Variants in TBC1D16 observed in about 807,000 individuals in gnomAD.
TBC1D16 encodes the protein CTD-2529O21.1.
Under a neutral mutation model 74.7 loss-of-function variants are expected in TBC1D16, and 58 were observed. That is an observed-to-expected ratio of 0.78 (90% CI 0.63 to 0.97). The LOEUF is 0.97. Ranked by LOEUF, TBC1D16 falls within the 50% of genes least tolerant of loss-of-function variation. The pLI, the probability that TBC1D16 is intolerant of heterozygous loss-of-function variation, is 0.00. For missense variants in TBC1D16, 1,014 were observed against 1,079.5 expected, an observed-to-expected ratio of 0.94 and a Z score of 0.85; for synonymous variants, 493 against 474.7, an observed-to-expected ratio of 1.04 and a Z score of -0.50.
At position 79,940,820 on chromosome 17, in the gene TBC1D16, G is replaced by T; in HGVS notation, c.*39C>A. 3 of 1,489,994 alleles carry T rather than the reference G, an allele frequency of 2.0e-6. No homozygotes were observed. The highest frequency in any genetic ancestry group is 1.4e-5 in the African/African-American group (1 of 71,804). 92.3% of individuals were successfully genotyped at this position (1,489,994 alleles called of 1,614,324 possible). A position where few individuals can be genotyped will look rare whatever the true frequency, so the allele number is the denominator to read the frequency against. On this transcript the variant is annotated 3_prime_UTR_variant, in exon 12 of 12. Transcript: ENST00000310924. This position sits in a 1 kb window ranked among gnomAD's most constrained non-coding sequence, Gnocchi z 5.4. Reference sequence around the variant, plus strand: ...CCCTCCCGTGCCCAGGGCCTCTGAGGAGGTCCCCTCAACCCCTGTCCGGTG... The same window carrying T: ...CCCTCCCGTGCCCAGGGCCTCTGAGTAGGTCCCCTCAACCCCTGTCCGGTG...
intron 3 of TBC1D16, 56 bp from the exon 4 acceptor site, chr17:79,952,874 GA>G (rs1350359386): frequency 1.3e-5 from 21 of 1,555,702 alleles, no homozygotes; most frequent in Non-Finnish European, 1.7e-5. Flanking sequence ...ACACTACCCA[GA>G]GGGGGACGGG....
chr17:79,999,628 C>T (rs1167754554), intron 3 of TBC1D16, among the ~76,000 whole-genome samples: 4 of 126,472 alleles, frequency 3.2e-5, no homozygotes, highest in Admixed American at 8.9e-5. Context: ...CTGCAACCTC[C>T]GCTTCCTGGG....
intron 3 of TBC1D16, among the ~76,000 whole-genome samples, chr17:79,972,176 CT>C (rs1555874338): frequency 1.3e-5 from 2 of 151,494 alleles, no homozygotes; most frequent in East Asian, 1.9e-4. Context: ...GAAGGAAATT[CT>C]TTTTTTTTCT....
chr17:80,011,682 C>T (rs1230944886), intron 2 of TBC1D16, among the ~76,000 whole-genome samples: 1 of 151,992 alleles, frequency 6.6e-6, no homozygotes, highest in Non-Finnish European at 1.5e-5. Flanking sequence ...AAAAATTAGC[C>T]GGGCGTGATG....
At position 80,013,626 on chromosome 17, in the gene TBC1D16, G is replaced by A. The variant is rs2035981611; in HGVS notation, c.-62-17C>T. 7.2e-7 allele frequency: 1 copy of A among 1,396,176 alleles called. No homozygotes were observed. The highest frequency in any genetic ancestry group is 2.5e-5 in the East Asian group (1 of 39,234). 86.5% of individuals were successfully genotyped at this position (1,396,176 alleles called of 1,614,324 possible). A position where few individuals can be genotyped will look rare whatever the true frequency, so the allele number is the denominator to read the frequency against. On this transcript the variant is annotated splice_polypyrimidine_tract_variant and intron_variant, in intron 1 of 11. Coordinates refer to ENST00000310924, the MANE Select transcript of TBC1D16 (RefSeq NM_019020.4). Reference sequence around the variant, plus strand: ...AAGACCTGCCTGGGGGAGGAAGAGAGAGGAGATGGTCAAGGTTGTGGACTT... The same window carrying A: ...AAGACCTGCCTGGGGGAGGAAGAGAAAGGAGATGGTCAAGGTTGTGGACTT...
rs1258824777 is a variant in TBC1D16 at position 79,991,351 on chromosome 17, A to T, written c.779+18809T>A. Reference sequence around the variant, plus strand: ...TCTGGGTTCCGTGTAGTCTCAGGGGAGGCTGAGGCTGACGCGAGGTGGGGT... The same window carrying T: ...TCTGGGTTCCGTGTAGTCTCAGGGGTGGCTGAGGCTGACGCGAGGTGGGGT... On this transcript the variant is annotated intron_variant, in intron 3 of 11. Coordinates refer to ENST00000310924, the MANE Select transcript of TBC1D16 (RefSeq NM_019020.4). Among the ~76,000 whole-genome samples, 10 of 151,024 alleles carry T rather than the reference A, an allele frequency of 6.6e-5. No homozygotes were observed. The East Asian group carries it at 2.0e-3, about 30-fold the overall frequency.
At chr17:80,031,450 T>A (rs1474111855) in intron 1 of TBC1D16, among the ~76,000 whole-genome samples, 1 of 152,126 alleles carries the variant, frequency 6.6e-6, no homozygotes, top group Non-Finnish European at 1.5e-5. Context: ...TGCTGGGATC[T>A]TGGACCATAG....
chr17:80,016,894 C>T (rs1482039413), intron 1 of TBC1D16, among the ~76,000 whole-genome samples: 1 of 152,166 alleles, frequency 6.6e-6, no homozygotes, highest in Non-Finnish European at 1.5e-5. Flanking sequence ...CATGTCTTTC[C>T]TCTGACAGAT....
At chr17:80,019,430 AC>A (rs1369120883) in intron 1 of TBC1D16, among the ~76,000 whole-genome samples, 2 of 116,554 alleles carry the variant, frequency 1.7e-5, no homozygotes, top group Non-Finnish European at 1.7e-5. Context: ...CACCTGGGAC[AC>A]CAGGACAACC....
rs1011335204 is a variant in TBC1D16, at chr17:79,941,601, C to T, written c.2055+459G>A. 2.0e-5 allele frequency among the ~76,000 whole-genome samples: 3 copies of T among 152,188 alleles called. No individual in the cohort carries two copies. Among genetic ancestry groups the T allele is most frequent in the East Asian group, 1.9e-4 (1 of 5,188 alleles). On this transcript the variant is annotated intron_variant, in intron 11 of 11. Transcript: ENST00000310924. This position sits in a 1 kb window ranked among gnomAD's most constrained non-coding sequence, Gnocchi z 4.3. ...GCCCTGAGGACCACCAGAGAGCTAACGGGCAGCATCTCCAGGAGGCGTCTG... is the reference window on the plus strand; with the variant it reads ...GCCCTGAGGACCACCAGAGAGCTAATGGGCAGCATCTCCAGGAGGCGTCTG...
At chr17:80,034,094 GT>G (rs2036861599) in intron 1 of TBC1D16, among the ~76,000 whole-genome samples, 2 of 152,028 alleles carry the variant, frequency 1.3e-5, no homozygotes, top group Non-Finnish European at 2.9e-5. Flanking sequence ...TCATGAGCTT[GT>G]TTTGTGGGTT....
At chr17:79,953,753 T>C (rs557683869) in intron 3 of TBC1D16, among the ~76,000 whole-genome samples, 1 of 152,290 alleles carries the variant, frequency 6.6e-6, no homozygotes, top group South Asian at 2.1e-4. Context: ...CTTGAGATTT[T>C]TTCTTTTTTT....
At chr17:79,951,619 G>T (rs755119779) in intron 4 of TBC1D16, 22 bp from the exon 5 acceptor site, 2 of 1,609,190 alleles carry the variant, frequency 1.2e-6, no homozygotes, top group Non-Finnish European at 1.7e-6. Context: ...TTGGAAGGGG[G>T]AGAGGGAAGC....
At position 79,939,270 on chromosome 17, in the gene TBC1D16, G is replaced by T. The variant is rs2031808224; in HGVS notation, c.*1589C>A. 1 of 152,250 alleles carries T rather than the reference G, an allele frequency of 6.6e-6. No individual in the cohort carries two copies. Among genetic ancestry groups the T allele is most frequent in the Admixed American group, 6.5e-5 (1 of 15,278 alleles). 9.4% of individuals were successfully genotyped at this position (152,250 alleles called of 1,614,324 possible). A position where few individuals can be genotyped will look rare whatever the true frequency, so the allele number is the denominator to read the frequency against. ...TGGGCACTGATGGGGCTCCAGGACG[G>T]TCTCCTCAAAAGGCTCTTAGGCAGA... On this transcript the variant is annotated 3_prime_UTR_variant, in exon 12 of 12. Coordinates refer to ENST00000310924, the MANE Select transcript of TBC1D16 (RefSeq NM_019020.4).
chr17:79,952,882 C>A (rs567844650), intron 3 of TBC1D16, 64 bp from the exon 4 acceptor site: 23 of 1,539,842 alleles, frequency 1.5e-5, no homozygotes, highest in African/African-American at 2.7e-5. Flanking sequence ...CAGAGGGGGA[C>A]GGGGGTCATG....
In TBC1D16 at chr17:80,035,490, G is replaced by A. The variant is rs538070199; in HGVS notation, c.-63+305C>T. Among the ~76,000 whole-genome samples the A allele has an allele frequency of 2.0e-5, 3 of 152,082 alleles. No individual in the cohort carries two copies. Among genetic ancestry groups the A allele is most frequent in the Admixed American group, 1.3e-4 (2 of 15,292 alleles). Reference sequence around the variant, plus strand: ...TTCCCCGGTCCACCGCTCCAGACAGGCGGGGACCAGTCTCCCCGAATTAGG... The same window carrying A: ...TTCCCCGGTCCACCGCTCCAGACAGACGGGGACCAGTCTCCCCGAATTAGG... On this transcript the variant is annotated intron_variant, in intron 1 of 11. Transcript: ENST00000310924. The surrounding 1 kb of genome is among the most constrained non-coding windows in gnomAD (Gnocchi z 5.3).
At chr17:80,012,032 G>T (rs568497964) in intron 2 of TBC1D16, among the ~76,000 whole-genome samples, 9 of 152,072 alleles carry the variant, frequency 5.9e-5, no homozygotes, top group African/African-American at 2.2e-4. Flanking sequence ...CTCAGTTCTG[G>T]GGGGAGGTGG....
rs2143503325 is a variant in TBC1D16, at chr17:79,944,672, GA to G, written c.1908+235del. Among the ~76,000 whole-genome samples, 1 of 152,334 alleles carries G rather than the reference GA, an allele frequency of 6.6e-6. No homozygotes were observed. Among genetic ancestry groups the G allele is most frequent in the East Asian group, 1.9e-4 (1 of 5,172 alleles). On this transcript the variant is annotated intron_variant, in intron 10 of 11. Coordinates refer to ENST00000310924, the MANE Select transcript of TBC1D16 (RefSeq NM_019020.4). This position sits in a 1 kb window ranked among gnomAD's most constrained non-coding sequence, Gnocchi z 7.7. ...TGTGACAGGAGGGAGCTCAGCCCCAGAAAGTGGTAATGAGTGCAGTCAGCGG... is the reference window on the plus strand; with the variant it reads ...TGTGACAGGAGGGAGCTCAGCCCCAGAAGTGGTAATGAGTGCAGTCAGCGG...
chr17:80,005,991 G>A (rs914707665), intron 3 of TBC1D16, among the ~76,000 whole-genome samples: 1 of 152,076 alleles, frequency 6.6e-6, no homozygotes, highest in Admixed American at 6.5e-5. Flanking sequence ...CACTAGAGGG[G>A]ACCCTCGAGC....
Sources: allele counts gnomAD v4.1 joint callset (sites outside exome capture counted in the v4.1 genomes callset), GRCh38; gene constraint gnomAD v4.1.1; non-coding constraint Gnocchi (gnomAD v3.1); transcripts MANE v1.5; gene names NCBI Gene and HGNC (gene_info 2026-07-23, HGNC 2026-07-21).